LSAMP: variants seen among roughly 807,000 people sequenced by gnomAD.
The protein encoded by LSAMP is limbic system associated membrane protein.
A neutral mutation model predicts 38.6 loss-of-function variants in LSAMP; 7 were observed. That is an observed-to-expected ratio of 0.18 (90% CI 0.10 to 0.34). LSAMP has a LOEUF of 0.34. Ranked by LOEUF, LSAMP falls within the 10% of genes least tolerant of loss-of-function variation. The probability of loss-of-function intolerance (pLI) is 1.00; values close to 1 mark genes in which losing one functional copy is unlikely to be tolerated. For synonymous variants in LSAMP, 154 were observed against 166.8 expected, an observed-to-expected ratio of 0.92 and a Z score of 0.59; for missense variants, 313 against 420.0, an observed-to-expected ratio of 0.75 and a Z score of 2.23.
At chr3:116,268,006 A>T (rs1329889308) in intron 1 of LSAMP, among the ~76,000 whole-genome samples, 1 of 152,176 alleles carries the variant, frequency 6.6e-6, no homozygotes, top group East Asian at 1.9e-4. Flanking sequence ...GGCAAAGTTA[A>T]ATGATATGCC....
At chr3:116,279,370 C>CT (rs1229531347) in intron 1 of LSAMP, among the ~76,000 whole-genome samples, 1 of 152,164 alleles carries the variant, frequency 6.6e-6, no homozygotes, top group Non-Finnish European at 1.5e-5. Context: ...AAAATGATGG[C>CT]ATGCCCTGGC....
At chr3:116,247,005 A>G (rs2046613620) in intron 1 of LSAMP, among the ~76,000 whole-genome samples, 1 of 152,124 alleles carries the variant, frequency 6.6e-6, no homozygotes, top group South Asian at 2.1e-4. Flanking sequence ...TCATCTTCTT[A>G]CTGATAAAGA....
intron 3 of LSAMP, among the ~76,000 whole-genome samples, chr3:115,969,702 T>C (rs948167827): frequency 1.3e-5 from 2 of 152,210 alleles, no homozygotes; most frequent in South Asian, 2.1e-4. Context: ...TTATTATCTT[T>C]ATTAATCCTC....
At chr3:115,833,441 GATA>G (rs1470898316) in intron 6 of LSAMP, among the ~76,000 whole-genome samples, 3 of 131,786 alleles carry the variant, frequency 2.3e-5, no homozygotes, top group Non-Finnish European at 3.2e-5. Flanking sequence ...TTTAAAATTT[GATA>G]ATAACTCTTA....
intron 3 of LSAMP, among the ~76,000 whole-genome samples, chr3:115,936,436 A>T (rs949704338): frequency 2.6e-5 from 4 of 152,166 alleles, no homozygotes; most frequent in Non-Finnish European, 5.9e-5. Context: ...TTAACTATTT[A>T]TTAATCCATT....
At chr3:116,228,110 C>A (rs2107624177) in intron 1 of LSAMP, among the ~76,000 whole-genome samples, 1 of 152,114 alleles carries the variant, frequency 6.6e-6, no homozygotes, top group Non-Finnish European at 1.5e-5. Context: ...CTGTTGATTT[C>A]TTTAAACCTT....
At chr3:116,194,050 T>C (rs1710817384) in intron 1 of LSAMP, among the ~76,000 whole-genome samples, 1 of 152,188 alleles carries the variant, frequency 6.6e-6, no homozygotes, top group African/African-American at 2.4e-5. Context: ...TTCTAAAGCT[T>C]ACCAGTTAAC....
At chr3:115,895,056 A>AT (rs1236833935) in intron 3 of LSAMP, among the ~76,000 whole-genome samples, 1 of 152,096 alleles carries the variant, frequency 6.6e-6, no homozygotes, top group Non-Finnish European at 1.5e-5. Flanking sequence ...AAACAAAAAA[A>AT]AGATGTGTTT....
intron 1 of LSAMP, among the ~76,000 whole-genome samples, chr3:116,087,822 C>A (rs896216960): frequency 1.3e-5 from 2 of 151,944 alleles, no homozygotes. Flanking sequence ...TTAAATACTC[C>A]ATTTATGGTA....
At chr3:115,878,787 GTAA>G (rs945783443) in intron 3 of LSAMP, among the ~76,000 whole-genome samples, 1 of 152,114 alleles carries the variant, frequency 6.6e-6, no homozygotes, top group South Asian at 2.1e-4. Context: ...TAATAGAATT[GTAA>G]TAATAATAAC....
chr3:116,356,381 T>C (rs937585493), intron 1 of LSAMP, among the ~76,000 whole-genome samples: 1 of 152,130 alleles, frequency 6.6e-6, no homozygotes, highest in Non-Finnish European at 1.5e-5. Flanking sequence ...TTAAAACAAT[T>C]GAACTCACGG....
intron 3 of LSAMP, among the ~76,000 whole-genome samples, chr3:115,955,412 C>G (rs1938424400): frequency 6.6e-6 from 1 of 152,168 alleles, no homozygotes; most frequent in Non-Finnish European, 1.5e-5. Context: ...ACCGTGTTCA[C>G]TTCTCATGAA....
intron 1 of LSAMP, among the ~76,000 whole-genome samples, chr3:116,149,346 A>T (rs1386486344): frequency 1.3e-5 from 2 of 151,970 alleles, no homozygotes; most frequent in African/African-American, 2.4e-5. Context: ...TTACAAATCC[A>T]AAAGGCTTGC....
At chr3:116,043,926 A>AG (rs1941234925) in intron 2 of LSAMP, among the ~76,000 whole-genome samples, 1 of 152,276 alleles carries the variant, frequency 6.6e-6, no homozygotes, top group South Asian at 2.1e-4. Flanking sequence ...CGCCTGGGCG[A>AG]AAGAGCGAGA....
chr3:116,336,908 T>C (rs960669085), intron 1 of LSAMP, among the ~76,000 whole-genome samples: 1 of 151,410 alleles, frequency 6.6e-6, no homozygotes, highest in South Asian at 2.1e-4. Flanking sequence ...CATTAAAAAA[T>C]GGATGGATAA....
intron 3 of LSAMP, among the ~76,000 whole-genome samples, chr3:115,904,991 G>T (rs1936973984): frequency 6.6e-6 from 1 of 152,030 alleles, no homozygotes; most frequent in Non-Finnish European, 1.5e-5. Flanking sequence ...TTTTCCTCAT[G>T]ATGTTTTAAA....
chr3:116,164,714 T>C (rs1356971352), intron 1 of LSAMP, among the ~76,000 whole-genome samples: 9 of 138,096 alleles, frequency 6.5e-5, no homozygotes, highest in Non-Finnish European at 1.2e-4. Context: ...AATCCAAATA[T>C]ATATATATAA....
rs1432084987 is a variant in LSAMP at position 116,202,775 on chromosome 3, C to A, written c.156-116219G>T. Among the ~76,000 whole-genome samples, 6 of 152,260 alleles carry A rather than the reference C, an allele frequency of 3.9e-5. No individual in the cohort carries two copies. The South Asian group carries it at 1.2e-3, about 32-fold the overall frequency. ...ATATTCAACACTAGTTCCAGTAACT[C>A]CTACTCCGGGAAGCCTTTCCTACTC... On this transcript the variant is annotated intron_variant, in intron 1 of 6. Transcript: ENST00000490035.
At chr3:116,180,727 G>A (rs534219593) in intron 1 of LSAMP, among the ~76,000 whole-genome samples, 1 of 152,116 alleles carries the variant, frequency 6.6e-6, no homozygotes, top group African/African-American at 2.4e-5. Context: ...TTATAAGTAG[G>A]GCAAAGCAAC....
Sources: allele counts gnomAD v4.1 joint callset (sites outside exome capture counted in the v4.1 genomes callset), GRCh38; gene constraint gnomAD v4.1.1; transcripts MANE v1.5; gene names NCBI Gene and HGNC (gene_info 2026-07-23, HGNC 2026-07-21).